Variants in ASCC1 observed in about 807,000 individuals in gnomAD.
ASCC1 encodes activating signal cointegrator 1 complex subunit 1.
In ASCC1, 35 loss-of-function variants were observed where a neutral mutation model predicts 46.6. That is an observed-to-expected ratio of 0.75 (90% CI 0.57 to 0.99). ASCC1 has a LOEUF of 0.99. Among genes scored for constraint, ASCC1 ranks in the 50% least tolerant of loss-of-function variants. ASCC1 has a pLI of 0.00. For missense variants in ASCC1, 376 were observed against 428.7 expected (o/e 0.88, Z 1.09); for synonymous variants, 143 against 146.6 (o/e 0.98, Z 0.18).
At chr10:72,160,728 A>C (rs1054202799) in intron 6 of ASCC1, among the ~76,000 whole-genome samples, 1 of 150,586 alleles carries the variant, frequency 6.6e-6, no homozygotes, top group African/African-American at 2.4e-5. Context: ...AATAATAATA[A>C]AAAAAGTTTT....
At chr10:72,102,264 T>G in intron 9 of ASCC1, 1 of 1,396,202 alleles carries the variant, frequency 7.2e-7, no homozygotes, top group Non-Finnish European at 9.9e-7. Context: ...AGAACATTTT[T>G]GAAAGGGAGC....
chr10:72,203,296 A>G, intron 4 of ASCC1, 131 bp downstream of exon 4: 2 of 792,302 alleles, frequency 2.5e-6, no homozygotes, highest in Admixed American at 2.3e-5. Context: ...CAAAAAAAAA[A>G]AAAAAGAAAA....
chr10:72,169,894 C>T lies in ASCC1; in HGVS notation c.490-8220G>A, dbSNP rs936140137. On this transcript the variant is annotated intron_variant, in intron 5 of 9. Transcript: ENST00000672957. ...CAGCACTTTGGGAGGCCAAGATGGG[C>T]GGATCACCTGAGATCAGGAGTTCGA... is the stretch of plus-strand genomic sequence containing the variant. Among the ~76,000 whole-genome samples the T allele has an allele frequency of 3.3e-5, 5 of 152,064 alleles. No individual in the cohort carries two copies. In the East Asian group the frequency reaches 9.6e-4, roughly 29 times the overall value.
In ASCC1 at chr10:72,097,250, T is replaced by C. The variant is rs186426846; in HGVS notation, c.*84A>G. 130 of 959,744 alleles carry C rather than the reference T, an allele frequency of 1.4e-4. 2 individuals are homozygous for C. The African/African-American group carries it at 1.7e-3, about 12-fold the overall frequency. 59.5% of individuals were successfully genotyped at this position (959,744 alleles called of 1,614,324 possible). On this transcript the variant is annotated 3_prime_UTR_variant, in exon 10 of 10. Transcript: ENST00000672957. ...GAAAGTCACCATCCAAATGTCCACA[T>C]CCCTGCTTGGCAATTAAAACGAAGA...
chr10:72,158,471 A>G (rs1849253632), intron 6 of ASCC1, among the ~76,000 whole-genome samples: 1 of 152,184 alleles, frequency 6.6e-6, no homozygotes, highest in African/African-American at 2.4e-5. Flanking sequence ...TCACAAAGGA[A>G]AGTCACCAGG....
chr10:72,184,618 T>C (rs1157758845), intron 5 of ASCC1, among the ~76,000 whole-genome samples: 2 of 152,006 alleles, frequency 1.3e-5, no homozygotes, highest in Non-Finnish European at 2.9e-5. Flanking sequence ...TGGAAAAAAC[T>C]GGTAGAACTG....
chr10:72,204,247 C>T (rs933120490), intron 3 of ASCC1, among the ~76,000 whole-genome samples: 10 of 152,058 alleles, frequency 6.6e-5, no homozygotes, highest in Non-Finnish European at 8.8e-5. Context: ...GAGACTCTGC[C>T]TCAAAAAATA....
At chr10:72,195,151 T>G (rs564555019) in intron 5 of ASCC1, among the ~76,000 whole-genome samples, 2 of 137,834 alleles carry the variant, frequency 1.5e-5, no homozygotes, top group East Asian at 2.0e-4. Flanking sequence ...TTTTTTTTTT[T>G]TTTTTTTTTT....
intron 5 of ASCC1, among the ~76,000 whole-genome samples, chr10:72,175,571 C>A (rs189829852): frequency 6.6e-6 from 1 of 152,158 alleles, no homozygotes; most frequent in Non-Finnish European, 1.5e-5. Context: ...TTTATTCATA[C>A]ATAATTACAA....
intron 8 of ASCC1, among the ~76,000 whole-genome samples, chr10:72,131,104 T>C (rs1395685444): frequency 6.6e-6 from 1 of 152,174 alleles, no homozygotes; most frequent in Non-Finnish European, 1.5e-5. Context: ...CTTCCTGTAC[T>C]ACTACTCCCC....
At chr10:72,131,809 A>G (rs1437859643) in intron 8 of ASCC1, among the ~76,000 whole-genome samples, 1 of 152,114 alleles carries the variant, frequency 6.6e-6, no homozygotes, top group Non-Finnish European at 1.5e-5. Context: ...AAATTGTCCT[A>G]ACTAAAAACC....
At chr10:72,103,803 T>G (rs951886240) in intron 9 of ASCC1, among the ~76,000 whole-genome samples, 4 of 152,064 alleles carry the variant, frequency 2.6e-5, no homozygotes, top group Admixed American at 6.6e-5. Context: ...TTGCTAAGCC[T>G]CCCCTCAGTT....
At chr10:72,204,259 AT>A (rs936697890) in intron 3 of ASCC1, among the ~76,000 whole-genome samples, 13 of 151,458 alleles carry the variant, frequency 8.6e-5, no homozygotes, top group Admixed American at 4.0e-4. Context: ...CAAAAAATAA[AT>A]TTTTTTTTCA....
intron 5 of ASCC1, among the ~76,000 whole-genome samples, chr10:72,175,161 C>A (rs938308811): frequency 2.6e-5 from 4 of 152,198 alleles, no homozygotes; most frequent in African/African-American, 9.7e-5. Context: ...TGTTCAAATT[C>A]TGCCACCTAT....
chr10:72,136,815 A>G (rs1407659780), intron 7 of ASCC1, among the ~76,000 whole-genome samples: 1 of 148,132 alleles, frequency 6.8e-6, no homozygotes, highest in Non-Finnish European at 1.5e-5. Flanking sequence ...GGAACAAACA[A>G]CTCCGGATGC....
intron 6 of ASCC1, among the ~76,000 whole-genome samples, chr10:72,153,267 G>C (rs1848577286): frequency 6.6e-6 from 1 of 152,204 alleles, no homozygotes; most frequent in Non-Finnish European, 1.5e-5. Flanking sequence ...CATGAAGAAA[G>C]TCAAGTGATG....
rs141739025 is a variant in ASCC1, at chr10:72,152,641, G to T, written c.746+228C>A. ...AGCCCAGGACGCTGAGATCAGCCTG[G>T]GCATAGTAAGACCCCCATCCTAAAA... On this transcript the variant is annotated intron_variant, in intron 7 of 9. Coordinates refer to ENST00000672957, the MANE Select transcript of ASCC1 (RefSeq NM_001198800.3). 2.3e-3 allele frequency among the ~76,000 whole-genome samples: 350 copies of T among 151,996 alleles called. 5 individuals carry two copies. The highest frequency in any genetic ancestry group is 0.014 in the East Asian group (73 of 5,174).
chr10:72,212,255 G>A (rs1167805545), intron 2 of ASCC1: 1 of 195,090 alleles, frequency 5.1e-6, no homozygotes, highest in Non-Finnish European at 1.1e-5. Flanking sequence ...AGAGGTTGCA[G>A]AGAGCCCAGA....
intron 9 of ASCC1, among the ~76,000 whole-genome samples, chr10:72,107,082 T>C (rs1164752679): frequency 1.3e-5 from 2 of 152,062 alleles, no homozygotes; most frequent in Non-Finnish European, 1.5e-5. Flanking sequence ...AATAATGGTA[T>C]ATTTCAGATG....
Sources: allele counts gnomAD v4.1 joint callset (sites outside exome capture counted in the v4.1 genomes callset), GRCh38; gene constraint gnomAD v4.1.1; transcripts MANE v1.5; gene names NCBI Gene and HGNC (gene_info 2026-07-23, HGNC 2026-07-21).